The following VAMP7 variants were observed in gnomAD, a reference collection of about 807,000 sequenced individuals.
The protein encoded by VAMP7 is vesicle-associated membrane protein 7.
Under a neutral mutation model 29.6 loss-of-function variants are expected in VAMP7, and 14 were observed. That is an observed-to-expected ratio of 0.47 (90% confidence interval 0.31 to 0.74). The LOEUF (loss-of-function observed/expected upper bound fraction) is 0.74. Among genes scored for constraint, VAMP7 ranks in the 30% least tolerant of loss-of-function variants. The pLI, the probability that VAMP7 is intolerant of heterozygous loss-of-function variation, is 0.05. For synonymous variants in VAMP7, 95 were observed against 88.1 expected, an observed-to-expected ratio of 1.08 and a Z score of -0.44; for missense variants, 223 against 262.4, an observed-to-expected ratio of 0.85 and a Z score of 1.04.
intron 5 of VAMP7, among the ~76,000 whole-genome samples, chrX:155,902,477 C>T (rs1192613892): frequency 1.3e-5 from 2 of 148,438 alleles, no homozygotes; most frequent in Non-Finnish European, 3.0e-5. Context: ...CCAGTTTTTG[C>T]CCATTCAGTA....
intron 5 of VAMP7, among the ~76,000 whole-genome samples, chrX:155,914,125 T>A (rs1456752285): frequency 1.3e-5 from 2 of 152,186 alleles, no homozygotes; most frequent in African/African-American, 4.8e-5. Flanking sequence ...TTGTAGCAAT[T>A]GTGAATGGGA....
At chrX:155,932,477 A>G (rs2066575508) in intron 6 of VAMP7, among the ~76,000 whole-genome samples, 1 of 152,154 alleles carries the variant, frequency 6.6e-6, no homozygotes. Context: ...GCAATTGTGA[A>G]TGGGAGTTCA....
chrX:155,942,965 G>A lies in VAMP7; in HGVS notation c.*1014G>A, dbSNP rs1400440541. The A allele has an allele frequency of 6.6e-6, 1 of 151,740 alleles. No homozygotes were observed. The highest frequency in any genetic ancestry group is 1.5e-5 in the Non-Finnish European group (1 of 67,976). 9.4% of individuals were successfully genotyped at this position (151,740 alleles called of 1,614,324 possible). ...TGAATAATAGTTTTGAGCATTCTTT[G>A]TGGTTAAATAAATTCTTAAATCTGC... On this transcript the variant is annotated 3_prime_UTR_variant, in exon 8 of 8. Transcript: ENST00000286448.
At chrX:155,884,447 T>C (rs1442475534) in intron 1 of VAMP7, among the ~76,000 whole-genome samples, 2 of 152,220 alleles carry the variant, frequency 1.3e-5, no homozygotes, top group Non-Finnish European at 2.9e-5. Context: ...TCTTATTCCA[T>C]GCAGGTATCT....
At chrX:155,919,106 G>A (rs1370437850) in intron 5 of VAMP7, among the ~76,000 whole-genome samples, 1 of 152,046 alleles carries the variant, frequency 6.6e-6, no homozygotes, top group Non-Finnish European at 1.5e-5. Context: ...GAATGAGTAG[G>A]GAGAATTCCC....
At chrX:155,913,437 A>G (rs2066266788) in intron 5 of VAMP7, among the ~76,000 whole-genome samples, 1 of 152,090 alleles carries the variant, frequency 6.6e-6, no homozygotes, top group Non-Finnish European at 1.5e-5. Flanking sequence ...TTAGTCATGA[A>G]ATCTTTGCCC....
chrX:155,883,326 T>C (rs1386140320), intron 1 of VAMP7, among the ~76,000 whole-genome samples: 1 of 152,186 alleles, frequency 6.6e-6, no homozygotes, highest in Non-Finnish European at 1.5e-5. Flanking sequence ...TTCTTTACCT[T>C]GCTCTCAGTG....
At chrX:155,896,808 G>A (rs963304665) in intron 3 of VAMP7, among the ~76,000 whole-genome samples, 11 of 152,060 alleles carry the variant, frequency 7.2e-5, no homozygotes, top group Admixed American at 3.9e-4. Flanking sequence ...CATAGATCAG[G>A]GTTCCTAATC....
chrX:155,918,169 G>A (rs1292333001), intron 5 of VAMP7, among the ~76,000 whole-genome samples: 3 of 152,114 alleles, frequency 2.0e-5, no homozygotes, highest in African/African-American at 7.2e-5. Flanking sequence ...CACCAAGCTC[G>A]AGTGTCCCAG....
chrX:155,908,176 C>CAATCTCGGCACTTTGGGA (rs1316211328), intron 5 of VAMP7, among the ~76,000 whole-genome samples: 1 of 152,234 alleles, frequency 6.6e-6, no homozygotes, highest in Non-Finnish European at 1.5e-5. Flanking sequence ...GCAGAGGCTG[C>CAATCTCGGCACTTTGGGA]AATCTCGGCA....
chrX:155,898,914 G>A (rs2066023202), intron 4 of VAMP7, among the ~76,000 whole-genome samples: 1 of 151,980 alleles, frequency 6.6e-6, no homozygotes, highest in South Asian at 2.1e-4. Context: ...ACTTTTTTGT[G>A]TCTTGCTTGT....
chrX:155,906,567 T>C (rs1199247874), intron 5 of VAMP7, among the ~76,000 whole-genome samples: 1 of 152,124 alleles, frequency 6.6e-6, no homozygotes, highest in Admixed American at 6.6e-5. Flanking sequence ...TTCCTAAGTA[T>C]TTTTTTATGC....
chrX:155,903,404 C>G (rs1198786013), intron 5 of VAMP7, among the ~76,000 whole-genome samples: 2 of 152,138 alleles, frequency 1.3e-5, no homozygotes, highest in East Asian at 1.9e-4. Context: ...AAACTACTAT[C>G]AGAGTGAACA....
chrX:155,907,137 A>G (rs958860619), intron 5 of VAMP7, among the ~76,000 whole-genome samples: 1 of 152,160 alleles, frequency 6.6e-6, no homozygotes, highest in Non-Finnish European at 1.5e-5. Flanking sequence ...TGTTTCTGAA[A>G]TGAATCCCAC....
chrX:155,908,919 A>T (rs2376578), intron 5 of VAMP7, among the ~76,000 whole-genome samples: 31 of 151,740 alleles, frequency 2.0e-4, no homozygotes, highest in South Asian at 8.3e-4. Flanking sequence ...TCCTGGGCTC[A>T]GGTAATCTTC....
At chrX:155,911,351 C>T (rs182536342) in intron 5 of VAMP7, among the ~76,000 whole-genome samples, 163 of 152,174 alleles carry the variant, frequency 1.1e-3, no homozygotes, top group Non-Finnish European at 2.2e-3. Flanking sequence ...GTTACTGTAG[C>T]CTTGTAATAT....
intron 6 of VAMP7, among the ~76,000 whole-genome samples, chrX:155,924,745 A>G (rs1179970898): frequency 6.6e-6 from 1 of 152,198 alleles, no homozygotes; most frequent in African/African-American, 2.4e-5. Flanking sequence ...ATTTCTTAAA[A>G]TAAGACAACA....
In VAMP7 at chrX:155,887,231, AT is replaced by A. The variant is rs370784757; in HGVS notation, c.-9-2217del. On this transcript the variant is annotated intron_variant, in intron 1 of 7. Coordinates refer to ENST00000286448, the MANE Select transcript of VAMP7 (RefSeq NM_005638.6). ...TGCTTTGGGTTTTATCTTTGGCACT[AT>A]TTTTTTTTTCTGTATGCAATATATC... 3.1e-3 allele frequency among the ~76,000 whole-genome samples: 455 copies of A among 147,734 alleles called. 1 individual carries two copies. Among genetic ancestry groups the A allele is most frequent in the African/African-American group, 0.011 (435 of 40,416 alleles).
At chrX:155,888,048 G>T (rs1377669922) in intron 1 of VAMP7, among the ~76,000 whole-genome samples, 3 of 152,046 alleles carry the variant, frequency 2.0e-5, no homozygotes, top group Admixed American at 2.0e-4. Flanking sequence ...ATAACTTACT[G>T]CATATGTGTA....
Sources: gnomAD v4.1 joint callset for allele counts (sites outside exome capture counted in the v4.1 genomes callset) on GRCh38, gnomAD v4.1.1 for gene constraint, MANE v1.5 for transcripts, NCBI Gene and HGNC (gene_info 2026-07-23, HGNC 2026-07-21) for gene names.